SMOC2: variants seen among roughly 807,000 people sequenced by gnomAD.
SMOC2 encodes SPARC-related modular calcium-binding protein 2.
A neutral mutation model predicts 61.4 loss-of-function variants in SMOC2; 39 were observed. The observed-to-expected ratio is 0.64, with a 90% CI of 0.49 to 0.83. SMOC2 has a LOEUF of 0.83. SMOC2 is among the 40% of genes least tolerant of loss of function. The pLI is 0.00. For synonymous variants in SMOC2, 247 were observed against 239.9 expected, an observed-to-expected ratio of 1.03 and a Z score of -0.27; for missense variants, 556 against 592.9, an observed-to-expected ratio of 0.94 and a Z score of 0.65.
intron 1 of SMOC2, among the ~76,000 whole-genome samples, chr6:168,495,501 G>A (rs1473341540): frequency 2.6e-5 from 4 of 152,222 alleles, no homozygotes; most frequent in African/African-American, 9.6e-5. Context: ...GATCGTAGAT[G>A]TGGGATGCTG....
intron 9 of SMOC2, among the ~76,000 whole-genome samples, chr6:168,649,520 T>A (rs1047323864): frequency 1.3e-5 from 2 of 152,194 alleles, no homozygotes; most frequent in African/African-American, 4.8e-5. Flanking sequence ...CCTCGGTATC[T>A]TTCTCTTTCT....
chr6:168,583,297 C>G (rs1332511994), intron 7 of SMOC2, among the ~76,000 whole-genome samples: 1 of 151,102 alleles, frequency 6.6e-6, no homozygotes, highest in East Asian at 1.9e-4. Flanking sequence ...GGGCTCGGCC[C>G]TGCCCTGCCT....
intron 1 of SMOC2, among the ~76,000 whole-genome samples, chr6:168,501,002 G>T (rs1782715093): frequency 1.3e-5 from 2 of 152,212 alleles, no homozygotes; most frequent in South Asian, 4.1e-4. Flanking sequence ...GGGAAGTTCA[G>T]CTGTGTTACA....
intron 1 of SMOC2, among the ~76,000 whole-genome samples, chr6:168,477,769 C>G (rs1157016123): frequency 6.6e-6 from 1 of 152,134 alleles, no homozygotes; most frequent in Non-Finnish European, 1.5e-5. Context: ...TCTAAAGAAC[C>G]ATCCCCTAAT....
At chr6:168,500,573 C>T (rs1457648631) in intron 1 of SMOC2, among the ~76,000 whole-genome samples, 1 of 152,086 alleles carries the variant, frequency 6.6e-6, no homozygotes, top group African/African-American at 2.4e-5. Context: ...CTGCTACTTG[C>T]CCCGGTGATT....
At chr6:168,543,521 G>T (rs945407812) in intron 4 of SMOC2, 104 bp from the exon 5 acceptor site, 3 of 1,019,088 alleles carry the variant, frequency 2.9e-6, no homozygotes, top group Non-Finnish European at 4.5e-6. Flanking sequence ...CCGAAGCACG[G>T]CAAATTAGTC....
chr6:168,523,765 A>C (rs1464610490), intron 2 of SMOC2, among the ~76,000 whole-genome samples: 2 of 152,176 alleles, frequency 1.3e-5, no homozygotes, highest in Non-Finnish European at 2.9e-5. Context: ...ACAGTTAAAC[A>C]TAAAGTGTTC....
intron 9 of SMOC2, among the ~76,000 whole-genome samples, chr6:168,612,189 GAGC>G (rs142726711): frequency 0.051 from 7,672 of 149,566 alleles, 258 homozygotes; most frequent in Middle Eastern, 0.081. Context: ...TTTACCTGAA[GAGC>G]AGTGCTGGGT....
At chr6:168,601,533 G>A (rs1456470334) in intron 8 of SMOC2, among the ~76,000 whole-genome samples, 1 of 152,182 alleles carries the variant, frequency 6.6e-6, no homozygotes, top group Non-Finnish European at 1.5e-5. Context: ...TAGGTATAGA[G>A]GGAGTACTGT....
intron 1 of SMOC2, among the ~76,000 whole-genome samples, chr6:168,473,301 G>A (rs931008775): frequency 2.6e-5 from 4 of 152,158 alleles, no homozygotes; most frequent in South Asian, 2.1e-4. Context: ...TGAATGGCTC[G>A]AAAGTTCAAG....
chr6:168,504,689 A>T (rs1782819450), intron 1 of SMOC2, among the ~76,000 whole-genome samples: 1 of 152,096 alleles, frequency 6.6e-6, no homozygotes, highest in Admixed American at 6.6e-5. Context: ...CCACTCAGGC[A>T]CCTGTGTTCT....
Position 168,513,478 on chromosome 6 carries a change from CATACAT to C in SMOC2, c.256+3394_256+3399del, listed in dbSNP as rs1198064910. Among the ~76,000 whole-genome samples the C allele has an allele frequency of 2.9e-3, 16 of 5,546 alleles. No homozygotes were observed. In the South Asian group the frequency reaches 0.06, roughly 21 times the overall value. The allele number at this position is 5,546 out of a possible 152,430, so 3.6% of individuals were successfully genotyped here. A position where few individuals can be genotyped will look rare whatever the true frequency, so the allele number is the denominator to read the frequency against. On this transcript the variant is annotated intron_variant, in intron 2 of 12. Coordinates refer to ENST00000356284, the MANE Select transcript of SMOC2 (RefSeq NM_001166412.2). ...ACACACACACAAATACACACACACA[CATACAT>C]ACACACACACACACACACATAGACA...
chr6:168,518,556 TGA>T (rs1325660288), intron 2 of SMOC2, among the ~76,000 whole-genome samples: 2 of 151,456 alleles, frequency 1.3e-5, no homozygotes, highest in African/African-American at 4.9e-5. Flanking sequence ...TATGCTTGTG[TGA>T]GTGCATGTAT....
At chr6:168,476,442 C>T (rs1782086556) in intron 1 of SMOC2, among the ~76,000 whole-genome samples, 1 of 151,506 alleles carries the variant, frequency 6.6e-6, no homozygotes, top group Admixed American at 6.6e-5. Flanking sequence ...TTTTGCAGTA[C>T]TGAGCAGTTG....
At chr6:168,614,128 C>T (rs1785978085) in intron 9 of SMOC2, among the ~76,000 whole-genome samples, 2 of 89,780 alleles carry the variant, frequency 2.2e-5, no homozygotes, top group East Asian at 4.0e-4. Context: ...CCTCTTCACA[C>T]CTACAGCCAG....
chr6:168,527,634 T>C lies in SMOC2; in HGVS notation c.370T>C (p.Cys124Arg). 6.4e-7 allele frequency: 1 copy of C among 1,550,690 alleles called. No individual in the cohort carries two copies. Residue 124 changes from cysteine to arginine, a missense_variant, in exon 4 of 13, where the codon TGT becomes CGT. Cys to Arg is a radical substitution (Grantham distance 180). Transcript: ENST00000356284. ...NDDGTYSQVQ[C>R]HSYTGYCWCV... ...GTCCTGTGCTCTCTCGCAGGTCCAG[T>C]GTCACAGCTACACGGGATACTGCTG... is the stretch of plus-strand genomic sequence containing the variant.
intron 7 of SMOC2, among the ~76,000 whole-genome samples, chr6:168,596,569 G>T (rs1785340908): frequency 6.6e-6 from 1 of 152,244 alleles, no homozygotes. Context: ...GGCAGTTTCC[G>T]CCATCCTCAG....
chr6:168,543,012 T>C (rs1783906906), intron 4 of SMOC2, among the ~76,000 whole-genome samples: 1 of 152,154 alleles, frequency 6.6e-6, no homozygotes, highest in Non-Finnish European at 1.5e-5. Context: ...ATTTCTCGAG[T>C]TGGTATTCTA....
At chr6:168,627,537 A>G (rs1026639019) in intron 9 of SMOC2, among the ~76,000 whole-genome samples, 11 of 152,346 alleles carry the variant, frequency 7.2e-5, no homozygotes, top group Admixed American at 6.5e-5. Flanking sequence ...TACAAAATCC[A>G]GTGACTCTGG....
Sources: allele counts gnomAD v4.1 joint callset (sites outside exome capture counted in the v4.1 genomes callset), GRCh38; gene constraint gnomAD v4.1.1; transcripts MANE v1.5; gene names NCBI Gene and HGNC (gene_info 2026-07-23, HGNC 2026-07-21).